Variants in CNBD2 observed in about 807,000 individuals in gnomAD.
CNBD2 encodes the protein cyclic nucleotide-binding domain-containing protein 2.
CNBD2 carries 64 observed loss-of-function variants against 63.7 expected under a neutral mutation model. The observed-to-expected ratio is 1.00, with a 90% CI of 0.82 to 1.24. The LOEUF (loss-of-function observed/expected upper bound fraction) is 1.24, where lower values mean the gene tolerates loss of function less well. CNBD2 is among the 50% of genes most tolerant of loss of function. CNBD2 has a pLI of 0.00. For missense variants in CNBD2, 691 were observed against 713.5 expected, an observed-to-expected ratio of 0.97 and a Z score of 0.36; for synonymous variants, 229 against 255.4, an observed-to-expected ratio of 0.90 and a Z score of 0.99.
chr20:35,963,346 T>TAA (rs780161171), intron 2 of CNBD2, among the ~76,000 whole-genome samples: 5 of 128,926 alleles, frequency 3.9e-5, no homozygotes, highest in Admixed American at 1.6e-4. Context: ...GTCTCCAAAT[T>TAA]AAAAAAAAAA....
intron 11 of CNBD2, among the ~76,000 whole-genome samples, chr20:36,024,221 A>G (rs563631704): frequency 5.3e-5 from 8 of 152,006 alleles, no homozygotes; most frequent in African/African-American, 1.7e-4. Context: ...TGTAATCCCA[A>G]CTACTCAGGA....
chr20:35,981,226 G>T (rs2056595383), intron 4 of CNBD2, among the ~76,000 whole-genome samples: 2 of 152,108 alleles, frequency 1.3e-5, no homozygotes, highest in Admixed American at 1.3e-4. Context: ...GCAAGCTGTG[G>T]GTTCCTTGGG....
intron 10 of CNBD2, among the ~76,000 whole-genome samples, chr20:36,017,656 T>C (rs2057153299): frequency 6.6e-6 from 1 of 152,236 alleles, no homozygotes; most frequent in South Asian, 2.1e-4. Flanking sequence ...CCCTTAGGTA[T>C]TTAAAGAATG....
intron 3 of CNBD2, among the ~76,000 whole-genome samples, chr20:35,976,544 C>T (rs1601024568): frequency 6.6e-6 from 1 of 152,020 alleles, no homozygotes; most frequent in South Asian, 2.1e-4. Flanking sequence ...GAGCTATGGT[C>T]GTATCACTGC....
At chr20:35,980,248 A>T (rs796571308) in intron 3 of CNBD2, among the ~76,000 whole-genome samples, 5 of 152,254 alleles carry the variant, frequency 3.3e-5, no homozygotes, top group African/African-American at 1.2e-4. Context: ...TCATCTGTCA[A>T]ATGGAATAAC....
intron 8 of CNBD2, among the ~76,000 whole-genome samples, chr20:36,004,534 C>A (rs1420651719): frequency 6.6e-6 from 1 of 151,998 alleles, no homozygotes; most frequent in Non-Finnish European, 1.5e-5. Context: ...TGTCTTGCAT[C>A]ATGGATGATT....
chr20:35,965,112 G>A (rs2056335323), upstream of CNBD2, among the ~76,000 whole-genome samples: 2 of 151,806 alleles, frequency 1.3e-5, no homozygotes, highest in Admixed American at 1.3e-4. Context: ...ACCTTCATAT[G>A]CTTTGTAAGC....
At chr20:35,975,179 T>A in intron 2 of CNBD2, among the ~76,000 whole-genome samples, 1 of 133,660 alleles carries the variant, frequency 7.5e-6, no homozygotes, top group Non-Finnish European at 1.6e-5. Context: ...TTTTTTGTAT[T>A]TTTAGTAGAG....
At chr20:35,999,997 G>A (rs1300367523) in intron 8 of CNBD2, among the ~76,000 whole-genome samples, 1 of 151,992 alleles carries the variant, frequency 6.6e-6, no homozygotes, top group African/African-American at 2.4e-5. Context: ...TATCTTTTTT[G>A]TATATTTAAA....
intron 4 of CNBD2, among the ~76,000 whole-genome samples, chr20:35,982,841 C>A (rs1054036410): frequency 2.0e-5 from 3 of 151,858 alleles, no homozygotes; most frequent in Non-Finnish European, 2.9e-5. Flanking sequence ...GCCTTACAGG[C>A]AGCTGGGACT....
At chr20:36,011,395 G>GA (rs2057059105) in intron 10 of CNBD2, 138 bp downstream of exon 10, 3 of 1,163,960 alleles carry the variant, frequency 2.6e-6, no homozygotes, top group Admixed American at 7.0e-5. Context: ...GTAAAGATGT[G>GA]ATAAGAATAG....
intron 8 of CNBD2, among the ~76,000 whole-genome samples, chr20:36,005,626 G>A (rs1048841646): frequency 6.6e-6 from 1 of 152,062 alleles, no homozygotes; most frequent in Admixed American, 6.6e-5. Flanking sequence ...CAGACCTACT[G>A]CTTGTGGAAC....
At chr20:35,968,952 C>G in intron 1 of CNBD2, 139 bp downstream of exon 1, 1 of 642,424 alleles carries the variant, frequency 1.6e-6, no homozygotes, top group Non-Finnish European at 2.7e-6. Flanking sequence ...CAGCATGGCA[C>G]AAAGGAGGGA....
At chr20:36,006,912 A>G (rs547497797) in intron 8 of CNBD2, among the ~76,000 whole-genome samples, 134 of 152,270 alleles carry the variant, frequency 8.8e-4, no homozygotes, top group Non-Finnish European at 1.5e-3. Context: ...CATACAGGCC[A>G]GGCATGGTGG....
chr20:35,983,775 C>T (rs999372282), intron 4 of CNBD2, among the ~76,000 whole-genome samples: 2 of 152,212 alleles, frequency 1.3e-5, no homozygotes, highest in African/African-American at 2.4e-5. Context: ...TCTCAGGAAG[C>T]TTCAGTTCAA....
chr20:36,006,634 C>G (rs2056988775), intron 8 of CNBD2, among the ~76,000 whole-genome samples: 1 of 152,164 alleles, frequency 6.6e-6, no homozygotes, highest in Non-Finnish European at 1.5e-5. Flanking sequence ...CCAGACTGGT[C>G]TCGAACTCCT....
At chr20:36,017,417 C>T (rs1397903783) in intron 10 of CNBD2, among the ~76,000 whole-genome samples, 1 of 152,168 alleles carries the variant, frequency 6.6e-6, no homozygotes, top group African/African-American at 2.4e-5. Flanking sequence ...CTCCTTCCCT[C>T]CACTCACACC....
Position 35,975,856 on chromosome 20 carries a change from A to G in CNBD2, c.190-93A>G, listed in dbSNP as rs138304509. On this transcript the variant is annotated intron_variant, in intron 2 of 11. Coordinates refer to ENST00000373973, the MANE Select transcript of CNBD2 (RefSeq NM_001365709.1). ...GGTTTCCCATGGCTTCCTGCCCACC[A>G]TGGTGGTCCAGGTAGACAGGAGGGC... The G allele has an allele frequency of 1.3e-4, 147 of 1,161,970 alleles. 1 individual carries two copies. In the African/African-American group the frequency reaches 1.9e-3, roughly 15 times the overall value. 72.0% of individuals were successfully genotyped at this position (1,161,970 alleles called of 1,614,324 possible). A position where few individuals can be genotyped will look rare whatever the true frequency, so the allele number is the denominator to read the frequency against.
chr20:36,024,564 G>T (rs1352414032), intron 11 of CNBD2, among the ~76,000 whole-genome samples: 1 of 152,056 alleles, frequency 6.6e-6, no homozygotes, highest in African/African-American at 2.4e-5. Flanking sequence ...GGGAGGCAGA[G>T]TTTGAAGTGA....
Sources: allele counts gnomAD v4.1 joint callset (sites outside exome capture counted in the v4.1 genomes callset), GRCh38; gene constraint gnomAD v4.1.1; transcripts MANE v1.5; gene names NCBI Gene and HGNC (gene_info 2026-07-23, HGNC 2026-07-21).